Variants in LRP4 observed in about 807,000 individuals in gnomAD.
The protein encoded by LRP4 is low-density lipoprotein receptor-related protein 4.
A neutral mutation model predicts 220.3 loss-of-function variants in LRP4; 95 were observed. The observed-to-expected ratio is 0.43, with a 90% CI of 0.37 to 0.51. The LOEUF (loss-of-function observed/expected upper bound fraction) is 0.51. Among genes scored for constraint, LRP4 ranks in the 20% least tolerant of loss-of-function variants. The probability of loss-of-function intolerance (pLI) is 0.00; values close to 1 mark genes in which losing one functional copy is unlikely to be tolerated. For synonymous variants in LRP4, 903 were observed against 954.6 expected (o/e 0.95, Z 1.00); for missense variants, 1,925 against 2,567.0 (o/e 0.75, Z 5.40).
Position 46,886,192 on chromosome 11 carries a change from G to A in LRP4, c.2425-20C>T, listed in dbSNP as rs760531886. ...TACCACCTGGGCAGGAAGCAAAGCTGTATCACCAACTGTACTTCCACTCTA... is the reference window on the plus strand; with the variant it reads ...TACCACCTGGGCAGGAAGCAAAGCTATATCACCAACTGTACTTCCACTCTA... On this transcript the variant is annotated intron_variant, in intron 17 of 37. Coordinates refer to ENST00000378623, the MANE Select transcript of LRP4 (RefSeq NM_002334.4). 3.5e-5 allele frequency: 57 copies of A among 1,610,058 alleles called. No homozygotes were observed. Among genetic ancestry groups the A allele is most frequent in the Non-Finnish European group, 4.8e-5 (57 of 1,176,520 alleles).
intron 25 of LRP4, 149 bp from the exon 26 acceptor site, chr11:46,876,115 C>T (rs1941007705): frequency 1.2e-6 from 1 of 814,624 alleles, no homozygotes; most frequent in Non-Finnish European, 2.0e-6. Flanking sequence ...CAAAATACTT[C>T]ATGTGCATTA....
chr11:46,866,076 G>A (rs1940689473), intron 34 of LRP4, among the ~76,000 whole-genome samples: 1 of 151,282 alleles, frequency 6.6e-6, no homozygotes, highest in Non-Finnish European at 1.5e-5. Context: ...TTGAAATCAA[G>A]TGTTAACTAC....
At chr11:46,914,334 T>C (rs940415160) in intron 1 of LRP4, among the ~76,000 whole-genome samples, 19 of 152,138 alleles carry the variant, frequency 1.2e-4, no homozygotes, top group Admixed American at 3.3e-4. Context: ...TCGTATACAG[T>C]GATTATATTA....
At chr11:46,900,037 A>T (rs1328425182) in intron 3 of LRP4, 61 bp from the exon 4 acceptor site, 1 of 1,375,672 alleles carries the variant, frequency 7.3e-7, no homozygotes, top group African/African-American at 1.4e-5. Context: ...TGGAAGCCTG[A>T]CTTAAAGCCC....
At chr11:46,896,714 T>C (rs1011199887) in intron 8 of LRP4, among the ~76,000 whole-genome samples, 155 bp downstream of exon 8, 4 of 152,222 alleles carry the variant, frequency 2.6e-5, no homozygotes, top group Non-Finnish European at 5.9e-5. Context: ...GCTCTGATAC[T>C]GTGCTCCAGG....
chr11:46,871,328 G>A (rs1364236801), intron 31 of LRP4, among the ~76,000 whole-genome samples, 197 bp downstream of exon 31: 1 of 152,074 alleles, frequency 6.6e-6, no homozygotes, highest in African/African-American at 2.4e-5. Flanking sequence ...CTAGAACATG[G>A]GAATGGCAGG....
intron 34 of LRP4, among the ~76,000 whole-genome samples, chr11:46,866,169 A>G (rs1174537772): frequency 6.6e-6 from 1 of 152,076 alleles, no homozygotes; most frequent in Non-Finnish European, 1.5e-5. Flanking sequence ...AATTAGAAAA[A>G]TGTCTAGAAA....
chr11:46,885,447 C>T (rs1332392350), intron 18 of LRP4, among the ~76,000 whole-genome samples: 2 of 152,030 alleles, frequency 1.3e-5, no homozygotes, highest in East Asian at 3.9e-4. Flanking sequence ...TCAGGGTATC[C>T]CCTTGCCTCC....
In LRP4 at chr11:46,894,457, C is replaced by G. The variant is rs182338888; in HGVS notation, c.1540+132G>C. 1,203 of 715,958 alleles carry G rather than the reference C, an allele frequency of 1.7e-3. 5 individuals carry two copies. In the Middle Eastern group the frequency reaches 0.021, roughly 12 times the overall value. The allele number at this position is 715,958 out of a possible 1,614,324, so 44.4% of individuals were successfully genotyped here. A position where few individuals can be genotyped will look rare whatever the true frequency, so the allele number is the denominator to read the frequency against. On this transcript the variant is annotated intron_variant, in intron 12 of 37. Coordinates refer to ENST00000378623, the MANE Select transcript of LRP4 (RefSeq NM_002334.4). ...TTAACAAATGTTTTCTATATTAGGG[C>G]TCCAACTAAGATTTCCCTGGAAGAA...
At chr11:46,896,052 C>T in intron 9 of LRP4, 34 bp from the exon 10 acceptor site, 1 of 1,613,864 alleles carries the variant, frequency 6.2e-7, no homozygotes, top group Non-Finnish European at 8.5e-7. Flanking sequence ...GGAGTTGAGC[C>T]CAGAATCCTC....
chr11:46,903,049 C>G, intron 1 of LRP4, 120 bp from the exon 2 acceptor site: 4 of 1,198,608 alleles, frequency 3.3e-6, no homozygotes, highest in Non-Finnish European at 4.9e-6. Context: ...CACAGTGACA[C>G]TTCAAGGGAG....
chr11:46,874,796 A>G lies in LRP4; in HGVS notation c.4229+4T>C, dbSNP rs1836121973. 1.2e-6 allele frequency: 2 copies of G among 1,613,270 alleles called. No homozygotes were observed. The highest frequency in any genetic ancestry group is 2.2e-5 in the East Asian group (1 of 44,860). ...TCTTCTGGAGGTTTCAGTGTTGCTCATACCTGATAACATCCAGGAACACAT... is the reference window on the plus strand; with the variant it reads ...TCTTCTGGAGGTTTCAGTGTTGCTCGTACCTGATAACATCCAGGAACACAT... On this transcript the variant is annotated splice_donor_region_variant and intron_variant, in intron 28 of 37. Coordinates refer to ENST00000378623, the MANE Select transcript of LRP4 (RefSeq NM_002334.4).
rs781608155 is a variant in LRP4 at position 46,886,361 on chromosome 11, G to A, written c.2388C>T (p.Thr796=). The A allele has an allele frequency of 7.9e-5, 126 of 1,599,286 alleles. 1 individual carries two copies. The South Asian group carries it at 1.3e-3, about 17-fold the overall frequency. ...TTCCATCCCACTTGGCCCTGCTGAT[G>A]GTATCAGTGCTGACATCTGTCCAGT... ...HVYWTDVSTD[T]ISRAKWDGTG... is the part of the protein sequence containing the mutation. Residue 796 remains threonine (T), a synonymous_variant, in exon 17 of 38, where the codon ACC becomes ACT. Transcript: ENST00000378623.
intron 6 of LRP4, 70 bp from the exon 7 acceptor site, chr11:46,898,747 G>A: frequency 6.2e-7 from 1 of 1,608,822 alleles, no homozygotes; most frequent in South Asian, 1.1e-5. Context: ...GAAGGCCACA[G>A]CCCCAGAATC....
At chr11:46,898,423 C>A in intron 7 of LRP4, 135 bp downstream of exon 7, 1 of 1,203,446 alleles carries the variant, frequency 8.3e-7, no homozygotes, top group Non-Finnish European at 1.2e-6. Flanking sequence ...TGACCTCAAG[C>A]AATCCACCCA....
At position 46,899,959 on chromosome 11, in the gene LRP4, C is replaced by T. The variant is rs1171630290; in HGVS notation, c.334G>A (p.Glu112Lys). ...CCATTCTGGCAGGGAAACTCGTCCT[C>T]CTCACACTCCCGGGGGGCTGTGGGC... is the stretch of plus-strand genomic sequence containing the variant. ...EQDCPPRECEEDEFPCQNGYC... is the reference protein window; with the variant it reads ...EQDCPPRECEKDEFPCQNGYC... Residue 112 changes from glutamate (E) to lysine (K), a missense_variant, in exon 4 of 38, where the codon GAG becomes AAG. By Grantham distance (56) the Glu-to-Lys change is moderately conservative. Around this residue, in one of 3 missense-constraint regions of LRP4, gnomAD observed 412 missense variants for 505.4 expected, o/e 0.82. Transcript: ENST00000378623. The surrounding 1 kb of genome is among the most constrained non-coding windows in gnomAD (Gnocchi z 5.9). 6.2e-7 allele frequency: 1 copy of T among 1,613,442 alleles called. No individual in the cohort carries two copies. The highest frequency in any genetic ancestry group is 1.3e-5 in the African/African-American group (1 of 74,934).
intron 1 of LRP4, among the ~76,000 whole-genome samples, chr11:46,907,320 C>T (rs552053716): frequency 1.6e-4 from 25 of 152,310 alleles, no homozygotes; most frequent in African/African-American, 6.0e-4. Flanking sequence ...AGCCATCCAG[C>T]TTTTGGGATA....
intron 30 of LRP4, among the ~76,000 whole-genome samples, chr11:46,872,298 C>T (rs943481985): frequency 6.6e-6 from 1 of 151,930 alleles, no homozygotes; most frequent in African/African-American, 2.4e-5. Context: ...TCTACATGGA[C>T]CTTGCTGAGG....
chr11:46,868,621 C>T lies in LRP4; in HGVS notation c.4930G>A (p.Asp1644Asn), dbSNP rs192480207. 1 of 1,614,084 alleles carries T rather than the reference C, an allele frequency of 6.2e-7. No homozygotes were observed. Among genetic ancestry groups the T allele is most frequent in the East Asian group, 2.2e-5 (1 of 44,882 alleles). The change falls in exon 33 of 38, where the codon GAT becomes AAT. Residue 1644 changes from aspartate to asparagine, a missense_variant. By Grantham distance (23) the Asp-to-Asn change is conservative. Around this residue, in one of 3 missense-constraint regions of LRP4, gnomAD observed 1,244 missense variants for 1,624.9 expected, o/e 0.77. Transcript: ENST00000378623. ...TCACCAAGGGAGCAGGGCCGGCTAT[C>T]AGGTTCGTCAGGACAGGCACATACG... is the stretch of plus-strand genomic sequence containing the variant. ...DFVCACPDEP[D>N]SRPCSLVPGL...
Sources: allele counts gnomAD v4.1 joint callset (sites outside exome capture counted in the v4.1 genomes callset), GRCh38; gene constraint gnomAD v4.1.1; regional missense constraint gnomAD v4.1.1; non-coding constraint Gnocchi (gnomAD v3.1); transcripts MANE v1.5; gene names NCBI Gene and HGNC (gene_info 2026-07-23, HGNC 2026-07-21).